IGSF21: variants seen among roughly 807,000 people sequenced by gnomAD.
The protein encoded by IGSF21 is immunoglobulin superfamily member 21.
IGSF21 carries 28 observed loss-of-function variants against 46.8 expected under a neutral mutation model. The ratio of observed to expected loss-of-function variants is 0.60; its 90% confidence interval spans 0.44 to 0.82. The LOEUF (loss-of-function observed/expected upper bound fraction) is 0.82, where lower values mean the gene tolerates loss of function less well. IGSF21 is among the 40% of genes least tolerant of loss of function. The probability of loss-of-function intolerance (pLI) is 0.00; values close to 1 mark genes in which losing one functional copy is unlikely to be tolerated. For synonymous variants in IGSF21, 284 were observed against 273.6 expected (o/e 1.04, Z -0.38); for missense variants, 624 against 665.5 (o/e 0.94, Z 0.69).
chr1:18,282,449 G>A (rs2085170522), intron 2 of IGSF21, among the ~76,000 whole-genome samples: 1 of 151,962 alleles, frequency 6.6e-6, no homozygotes, highest in African/African-American at 2.4e-5. Flanking sequence ...GCGGGAGCGG[G>A]GTGCTGCATG....
intron 1 of IGSF21, among the ~76,000 whole-genome samples, chr1:18,220,633 T>C (rs1359980376): frequency 6.6e-6 from 1 of 152,086 alleles, no homozygotes; most frequent in Non-Finnish European, 1.5e-5. Flanking sequence ...CAAGTAATTT[T>C]CGGTGTCCCA....
At chr1:18,223,995 G>A (rs534833478) in intron 1 of IGSF21, among the ~76,000 whole-genome samples, 10 of 152,272 alleles carry the variant, frequency 6.6e-5, no homozygotes, top group African/African-American at 1.9e-4. Context: ...CTCCTGCCTC[G>A]GTTTACAGTG....
At chr1:18,283,494 G>A (rs1338953489) in intron 2 of IGSF21, among the ~76,000 whole-genome samples, 1 of 152,216 alleles carries the variant, frequency 6.6e-6, no homozygotes, top group Admixed American at 6.5e-5. Flanking sequence ...TGCAAGAGCG[G>A]TTTCAGGGTG....
At chr1:18,295,226 T>C (rs1299906348) in intron 3 of IGSF21, among the ~76,000 whole-genome samples, 1 of 152,126 alleles carries the variant, frequency 6.6e-6, no homozygotes, top group African/African-American at 2.4e-5. Flanking sequence ...CCTCTCTGGA[T>C]AGAGCGTCCC....
chr1:18,376,532 T>A lies in IGSF21; in HGVS notation c.1101+137T>A. The A allele has an allele frequency of 3.9e-6, 3 of 765,676 alleles. No individual in the cohort carries two copies. In the Admixed American group the frequency reaches 5.8e-5, roughly 15 times the overall value. 47.4% of individuals were successfully genotyped at this position (765,676 alleles called of 1,614,324 possible). On this transcript the variant is annotated intron_variant, in intron 7 of 9. Coordinates refer to ENST00000251296, the MANE Select transcript of IGSF21 (RefSeq NM_032880.5). ...CATCCAGTGGGTTTCAGTTTCCCAA[T>A]GTGTAATTGGGAGAATCAGCTCCCA... is the stretch of plus-strand genomic sequence containing the variant.
intron 5 of IGSF21, among the ~76,000 whole-genome samples, chr1:18,362,644 T>C (rs1373059665): frequency 6.6e-6 from 1 of 151,880 alleles, no homozygotes; most frequent in African/African-American, 2.4e-5. Context: ...TGTCTCAAGC[T>C]CCAGGTTCAC....
intron 2 of IGSF21, among the ~76,000 whole-genome samples, chr1:18,236,085 A>G (rs1211340426): frequency 6.7e-6 from 1 of 148,170 alleles, no homozygotes; most frequent in African/African-American, 2.5e-5. Context: ...AGGACAGGAC[A>G]GGAGAAGCAG....
At chr1:18,171,287 G>A (rs548445787) in intron 1 of IGSF21, among the ~76,000 whole-genome samples, 1 of 152,120 alleles carries the variant, frequency 6.6e-6, no homozygotes, top group African/African-American at 2.4e-5. Flanking sequence ...CATCCTTAGG[G>A]CCTGATGGGA....
chr1:18,342,912 T>G (rs1346029031), intron 4 of IGSF21, among the ~76,000 whole-genome samples: 1 of 152,226 alleles, frequency 6.6e-6, no homozygotes, highest in Non-Finnish European at 1.5e-5. Flanking sequence ...GTGCAAGTTT[T>G]TGTGTGAATG....
At chr1:18,180,279 G>A (rs76434148) in intron 1 of IGSF21, among the ~76,000 whole-genome samples, 1 of 152,324 alleles carries the variant, frequency 6.6e-6, no homozygotes, top group African/African-American at 2.4e-5. Context: ...CTAGAATAGT[G>A]CCTGCCATGC....
At chr1:18,297,117 C>A (rs964257643) in intron 3 of IGSF21, among the ~76,000 whole-genome samples, 1 of 152,180 alleles carries the variant, frequency 6.6e-6, no homozygotes, top group African/African-American at 2.4e-5. Context: ...TGCCCGCCCC[C>A]CCACTAGACT....
intron 2 of IGSF21, among the ~76,000 whole-genome samples, chr1:18,245,684 C>G (rs1258049858): frequency 2.6e-5 from 4 of 152,186 alleles, no homozygotes; most frequent in Non-Finnish European, 4.4e-5. Flanking sequence ...AATGAGCAAG[C>G]ATGTGTTGAG....
intron 1 of IGSF21, among the ~76,000 whole-genome samples, chr1:18,206,268 G>A (rs2084321692): frequency 6.6e-6 from 1 of 152,200 alleles, no homozygotes; most frequent in Admixed American, 6.5e-5. Flanking sequence ...GTGTTCTGGG[G>A]CTGGGTGCCG....
chr1:18,376,691 C>T (rs917552991), intron 7 of IGSF21, 109 bp from the exon 8 acceptor site: 5 of 1,068,534 alleles, frequency 4.7e-6, no homozygotes, highest in Non-Finnish European at 5.5e-6. Context: ...ACTCCTAACC[C>T]GTCGGATGAG....
At chr1:18,130,160 C>T (rs2086305390) in intron 1 of IGSF21, among the ~76,000 whole-genome samples, 1 of 152,196 alleles carries the variant, frequency 6.6e-6, no homozygotes, top group South Asian at 2.1e-4. Context: ...AAGCACTGGA[C>T]ACCACCCCCC....
In IGSF21 at chr1:18,374,656, C is replaced by T. The variant is rs2086262835; in HGVS notation, c.1016-1654C>T. On this transcript the variant is annotated intron_variant, in intron 6 of 9. Transcript: ENST00000251296. ...TAGACCCATGTGGCATTTCAGATGT[C>T]TTGCTTATGGTTTAATTAATAGTCC... Among the ~76,000 whole-genome samples the T allele has an allele frequency of 1.3e-5, 2 of 152,084 alleles. 1 individual carries two copies. The highest frequency in any genetic ancestry group is 4.1e-4 in the South Asian group (2 of 4,828).
At chr1:18,123,367 T>C (rs2086251159) in intron 1 of IGSF21, among the ~76,000 whole-genome samples, 2 of 152,182 alleles carry the variant, frequency 1.3e-5, no homozygotes. Context: ...GACAGAGCCT[T>C]ATTCCAGCTC....
intron 1 of IGSF21, among the ~76,000 whole-genome samples, chr1:18,129,825 C>G (rs1335290053): frequency 3.9e-5 from 6 of 152,158 alleles, no homozygotes; most frequent in African/African-American, 1.4e-4. Flanking sequence ...CACGCGGGCT[C>G]CACACTCATG....
intron 1 of IGSF21, among the ~76,000 whole-genome samples, chr1:18,139,439 C>T (rs2124423863): frequency 6.6e-6 from 1 of 152,330 alleles, no homozygotes; most frequent in East Asian, 1.9e-4. Context: ...GGCGATCCAT[C>T]TCACCCACCC....
Sources: gnomAD v4.1 joint callset for allele counts (sites outside exome capture counted in the v4.1 genomes callset) on GRCh38, gnomAD v4.1.1 for gene constraint, MANE v1.5 for transcripts, NCBI Gene and HGNC (gene_info 2026-07-23, HGNC 2026-07-21) for gene names.